The following USP34 variants were observed in gnomAD, a reference collection of about 807,000 sequenced individuals.
USP34 encodes ubiquitin specific peptidase 34, also known as ubiquitin carboxyl-terminal hydrolase 34.
A neutral mutation model predicts 460.3 loss-of-function variants in USP34; 70 were observed. The ratio of observed to expected loss-of-function variants is 0.15; its 90% CI spans 0.13 to 0.19. The LOEUF is 0.19. Among genes scored for constraint, USP34 ranks in the 10% least tolerant of loss-of-function variants. The probability of loss-of-function intolerance (pLI) is 1.00; values close to 1 mark genes in which losing one functional copy is unlikely to be tolerated. For synonymous variants in USP34, 1,647 were observed against 1,405.3 expected (o/e 1.17, Z -3.85); for missense variants, 3,985 against 4,236.2 (o/e 0.94, Z 1.65).
At chr2:61,345,173 C>T (rs575667397) in intron 15 of USP34, among the ~76,000 whole-genome samples, 1 of 151,838 alleles carries the variant, frequency 6.6e-6, no homozygotes, top group Non-Finnish European at 1.5e-5. Context: ...ACTCGGGAGG[C>T]TGAGGCAGGA....
chr2:61,203,111 G>T, intron 75 of USP34, 29 bp downstream of exon 75: 1 of 1,512,346 alleles, frequency 6.6e-7, no homozygotes, highest in Non-Finnish European at 8.9e-7. Context: ...ATAATTCAGT[G>T]GAATTTACTG....
At position 61,274,303 on chromosome 2, in the gene USP34, T is replaced by C. The variant is rs946753994; in HGVS notation, c.5433+3862A>G. 1.2e-4 allele frequency among the ~76,000 whole-genome samples: 18 copies of C among 151,992 alleles called. 1 individual carries two copies. The South Asian group carries it at 1.3e-3, about 11-fold the overall frequency. ...TAGTAGGGAGGCTGAGGCAGGAGAATTGCTTGAACCTGGGAGGTGGAGGTT... is the reference window on the plus strand; with the variant it reads ...TAGTAGGGAGGCTGAGGCAGGAGAACTGCTTGAACCTGGGAGGTGGAGGTT... On this transcript the variant is annotated intron_variant, in intron 41 of 79. Coordinates refer to ENST00000398571, the MANE Select transcript of USP34 (RefSeq NM_014709.4).
chr2:61,349,738 G>A (rs1000130466), intron 12 of USP34, among the ~76,000 whole-genome samples: 1 of 152,062 alleles, frequency 6.6e-6, no homozygotes, highest in Non-Finnish European at 1.5e-5. Context: ...CTACTCGGGA[G>A]GCTGAGGCAG....
chr2:61,270,471 T>C (rs1349883086), intron 41 of USP34, among the ~76,000 whole-genome samples: 1 of 152,188 alleles, frequency 6.6e-6, no homozygotes, highest in Non-Finnish European at 1.5e-5. Flanking sequence ...GTGTCTTGCT[T>C]TGTTGCCAGG....
intron 2 of USP34, among the ~76,000 whole-genome samples, chr2:61,419,666 T>C (rs556504527): frequency 6.6e-6 from 1 of 152,308 alleles, no homozygotes; most frequent in Non-Finnish European, 1.5e-5. Flanking sequence ...ATCAGAAGTG[T>C]AGATTTTTTT....
At chr2:61,233,743 C>T (rs561963792) in intron 57 of USP34, among the ~76,000 whole-genome samples, 1 of 151,596 alleles carries the variant, frequency 6.6e-6, no homozygotes, top group East Asian at 1.9e-4. Context: ...GAGGCTGAGG[C>T]AGGATTGCTC....
rs1689582524 is a variant in USP34 at position 61,283,069 on chromosome 2, A to C, written c.4998+76T>G. On this transcript the variant is annotated intron_variant, in intron 37 of 79. Transcript: ENST00000398571. Reference sequence around the variant, plus strand: ...GGACTCACGCATATTTGTTTCCATTAGCTCTTTTATTATCAATGCTAATAA... The same window carrying C: ...GGACTCACGCATATTTGTTTCCATTCGCTCTTTTATTATCAATGCTAATAA... The C allele has an allele frequency of 2.0e-6, 3 of 1,485,442 alleles. No individual in the cohort carries two copies. In the South Asian group the frequency reaches 3.7e-5, roughly 18 times the overall value. The allele number at this position is 1,485,442 out of a possible 1,614,324, so 92.0% of individuals were successfully genotyped here. A position where few individuals can be genotyped will look rare whatever the true frequency, so the allele number is the denominator to read the frequency against.
intron 1 of USP34, among the ~76,000 whole-genome samples, chr2:61,424,602 T>C (rs1161672438): frequency 6.6e-6 from 1 of 152,112 alleles, no homozygotes; most frequent in East Asian, 1.9e-4. Flanking sequence ...AGAAAAGAAA[T>C]GTTTCGCTCA....
chr2:61,191,968 C>A (rs777593), intron 76 of USP34, among the ~76,000 whole-genome samples: 103,221 of 152,092 alleles, frequency 0.68, 35,368 homozygotes, highest in African/African-American at 0.78. Context: ...TAGAGAACAA[C>A]GTGGCATTTC....
In USP34 at chr2:61,241,641, A is replaced by G. The variant is rs774626238; in HGVS notation, c.6696T>C (p.Tyr2232=). 2 of 1,597,830 alleles carry G rather than the reference A, an allele frequency of 1.3e-6. No individual in the cohort carries two copies. Among genetic ancestry groups the G allele is most frequent in the Middle Eastern group, 1.7e-4 (1 of 5,984 alleles). The stretch of plus-strand genomic sequence containing the variant: ...GTTCCATGCGTTTGTAAAACAGCAT[A>G]TATGCACTGTGTGTCTTTAAGAGGC... ...DFSFEKTHSA[Y]MLFYKRMEPE... Residue 2232 remains tyrosine, a synonymous_variant, in exon 53 of 80, where the codon TAT becomes TAC. Coordinates refer to ENST00000398571, the MANE Select transcript of USP34 (RefSeq NM_014709.4).
chr2:61,348,254 G>A lies in USP34; in HGVS notation c.1901C>T (p.Pro634Leu). The change falls in exon 15 of 80, where the codon CCC becomes CTC. Residue 634 changes from proline (P) to leucine (L), a missense_variant. By Grantham distance (98) the Pro-to-Leu change is moderately conservative. Transcript: ENST00000398571. Reference sequence around the variant, plus strand: ...AAGATCTGTACCACAACTGCTTTTGGGAGGATTATGACCATGATCATCGTC... The same window carrying A: ...AAGATCTGTACCACAACTGCTTTTGAGAGGATTATGACCATGATCATCGTC... ...DEDDDHGHNP[P>L]KSSCGTDLRN... 2 of 1,614,150 alleles carry A rather than the reference G, an allele frequency of 1.2e-6. No homozygotes were observed.
intron 1 of USP34, among the ~76,000 whole-genome samples, chr2:61,438,411 G>C (rs954244305): frequency 6.6e-6 from 1 of 151,992 alleles, no homozygotes; most frequent in South Asian, 2.1e-4. Flanking sequence ...TCAGGAGTTC[G>C]AGACCAGCCT....
rs1285870399 is a variant in USP34, at chr2:61,188,256, G to A, written c.10487C>T (p.Pro3496Leu). Residue 3496 changes from proline to leucine, a missense_variant, in exon 80 of 80, where the codon CCT becomes CTT. Pro to Leu is a moderately conservative substitution (Grantham distance 98, BLOSUM62 -3). Coordinates refer to ENST00000398571, the MANE Select transcript of USP34 (RefSeq NM_014709.4). ...CDGQALPSQD[P>L]EVALSLSCGH... ...ACAACTGAGAGATAAAGCAACCTCA[G>A]GGTCCTGGGAGGGCAAAGCTTGGCC... 1.2e-6 allele frequency: 2 copies of A among 1,614,022 alleles called. No individual in the cohort carries two copies. The highest frequency in any genetic ancestry group is 4.5e-5 in the East Asian group (2 of 44,892).
intron 3 of USP34, among the ~76,000 whole-genome samples, chr2:61,396,279 C>T (rs191723908): frequency 1.4e-4 from 22 of 152,164 alleles, no homozygotes; most frequent in African/African-American, 1.9e-4. Flanking sequence ...AGTATAAGTT[C>T]GTATGAACTT....
chr2:61,468,639 T>G (rs943243528), intron 1 of USP34, among the ~76,000 whole-genome samples: 3 of 152,156 alleles, frequency 2.0e-5, no homozygotes, highest in African/African-American at 7.2e-5. Context: ...TTAGAACAGG[T>G]TTCTTAGAGG....
chr2:61,227,072 T>C lies in USP34; in HGVS notation c.7590A>G (p.Ser2530=). ...LVALLVEQSR[S]ERHLTLSQTD... is the part of the protein sequence containing the mutation. The stretch of plus-strand genomic sequence containing the variant: ...TTAAATTCGAAACATTTCACCTTTC[T>C]GATCGAGACTGTTCAACCAAAAGAG... The change falls in exon 62 of 80, where the codon TCA becomes TCG. Residue 2530 remains serine, a synonymous_variant. Coordinates refer to ENST00000398571, the MANE Select transcript of USP34 (RefSeq NM_014709.4). The C allele has an allele frequency of 6.3e-7, 1 of 1,591,234 alleles. No individual in the cohort carries two copies. Among genetic ancestry groups the C allele is most frequent in the South Asian group, 1.2e-5 (1 of 85,874 alleles).
chr2:61,402,547 C>A (rs370828061), intron 3 of USP34, among the ~76,000 whole-genome samples: 3 of 152,170 alleles, frequency 2.0e-5, no homozygotes, highest in Non-Finnish European at 4.4e-5. Flanking sequence ...AATCTTTTAA[C>A]CTCTGTAGGC....
Position 61,279,442 on chromosome 2 carries a change from C to CT in USP34, c.5256+801dup, listed in dbSNP as rs1380617134. On this transcript the variant is annotated intron_variant, in intron 39 of 79. Transcript: ENST00000398571. ...TATGTACACTGGAAAAAACGCAAGT[C>CT]TTTAAGTGGCAAGATTTGCTTTGAA... 2.6e-5 allele frequency among the ~76,000 whole-genome samples: 4 copies of CT among 152,096 alleles called. No homozygotes were observed. The East Asian group carries it at 7.7e-4, about 29-fold the overall frequency.
chr2:61,380,739 A>G (rs893473112), intron 6 of USP34, among the ~76,000 whole-genome samples: 17 of 152,336 alleles, frequency 1.1e-4, no homozygotes, highest in African/African-American at 4.1e-4. Flanking sequence ...TAGACATGAC[A>G]TAAGTGGAAG....
Sources: gnomAD v4.1 joint callset for allele counts (sites outside exome capture counted in the v4.1 genomes callset) on GRCh38, gnomAD v4.1.1 for gene constraint, MANE v1.5 for transcripts, NCBI Gene and HGNC (gene_info 2026-07-23, HGNC 2026-07-21) for gene names.